GSG1L: variants seen among roughly 807,000 people sequenced by gnomAD.
GSG1L encodes the protein GSG1 like.
In GSG1L, 24 loss-of-function variants were observed where a neutral mutation model predicts 42.1. The ratio of observed to expected loss-of-function variants is 0.57; its 90% CI spans 0.41 to 0.80. GSG1L has a LOEUF of 0.80. Ranked by LOEUF, GSG1L falls within the 30% of genes least tolerant of loss-of-function variation. The pLI is 0.00. For synonymous variants in GSG1L, 215 were observed against 203.5 expected (o/e 1.06, Z -0.48); for missense variants, 445 against 472.2 (o/e 0.94, Z 0.53).
At chr16:28,002,529 G>A (rs1185777875) in intron 1 of GSG1L, among the ~76,000 whole-genome samples, 2 of 152,210 alleles carry the variant, frequency 1.3e-5, no homozygotes, top group African/African-American at 2.4e-5. Context: ...GCTAAGGCAG[G>A]GGGATGGCTT....
intron 2 of GSG1L, among the ~76,000 whole-genome samples, chr16:27,958,060 T>C (rs1052609916): frequency 6.6e-6 from 1 of 152,060 alleles, no homozygotes; most frequent in Non-Finnish European, 1.5e-5. Flanking sequence ...ACCTCCAGCA[T>C]TGAAGGTCAC....
intron 2 of GSG1L, among the ~76,000 whole-genome samples, chr16:27,951,190 C>G (rs1377767257): frequency 6.6e-6 from 1 of 152,156 alleles, no homozygotes; most frequent in Non-Finnish European, 1.5e-5. Context: ...CCAGCCTCTG[C>G]TGTGAGTTGA....
At chr16:27,957,689 T>A (rs374578216) in intron 2 of GSG1L, among the ~76,000 whole-genome samples, 1 of 152,210 alleles carries the variant, frequency 6.6e-6, no homozygotes, top group Non-Finnish European at 1.5e-5. Flanking sequence ...TTTAAACACA[T>A]GTCAATATAC....
chr16:28,024,266 C>T (rs775477601), intron 1 of GSG1L, among the ~76,000 whole-genome samples: 2 of 152,138 alleles, frequency 1.3e-5, no homozygotes, highest in African/African-American at 2.4e-5. Context: ...GCAGAGATTC[C>T]GGGAGGCAAG....
chr16:28,042,295 G>T (rs1013435843), intron 1 of GSG1L, among the ~76,000 whole-genome samples: 1 of 152,046 alleles, frequency 6.6e-6, no homozygotes, highest in African/African-American at 2.4e-5. Flanking sequence ...AATTAGTCGG[G>T]CGTGGTGGTG....
intron 2 of GSG1L, among the ~76,000 whole-genome samples, chr16:27,934,376 T>G (rs2084691237): frequency 6.6e-6 from 1 of 152,010 alleles, no homozygotes; most frequent in East Asian, 1.9e-4. Context: ...AAACCCCATC[T>G]CTACAAAAAT....
intron 1 of GSG1L, among the ~76,000 whole-genome samples, chr16:27,992,602 T>A (rs2085468528): frequency 2.6e-5 from 4 of 152,204 alleles, no homozygotes; most frequent in Admixed American, 2.6e-4. Flanking sequence ...AATTTCTTTT[T>A]CAAAGAAGCC....
At chr16:27,932,751 G>C (rs776650073) in intron 2 of GSG1L, among the ~76,000 whole-genome samples, 1 of 152,128 alleles carries the variant, frequency 6.6e-6, no homozygotes, top group Non-Finnish European at 1.5e-5. Flanking sequence ...CAGTGACATA[G>C]GGGCAGAGGT....
chr16:27,999,295 T>C (rs1370924859), intron 1 of GSG1L, among the ~76,000 whole-genome samples: 2 of 151,918 alleles, frequency 1.3e-5, no homozygotes, highest in Non-Finnish European at 2.9e-5. Flanking sequence ...ATACAAAAAT[T>C]AGTTGTGTGT....
At position 28,063,150 on chromosome 16, in the gene GSG1L, C is replaced by A; in HGVS notation, c.275G>T (p.Gly92Val). Residue 92 changes from glycine to valine, a missense_variant, in exon 1 of 7, where the codon GGC becomes GTC. Gly to Val is a moderately radical substitution (Grantham distance 109). This residue lies in a region of GSG1L where 149 missense variants were observed against 223.3 expected (regional missense o/e 0.67). Coordinates refer to ENST00000447459, the MANE Select transcript of GSG1L (RefSeq NM_001109763.2). The surrounding 1 kb of genome is among the most constrained non-coding windows in gnomAD (Gnocchi z 5.8). Reference sequence around the variant, plus strand: ...ATTCCTGAAGAGGAAGCGGTCGTCGCCGGTCTCCCAGCTGTAGAGCGCGCC... The same window carrying A: ...ATTCCTGAAGAGGAAGCGGTCGTCGACGGTCTCCCAGCTGTAGAGCGCGCC... ...PGGALYSWET[G>V]DDRFLFRNFH... 7.0e-7 allele frequency: 1 copy of A among 1,425,580 alleles called. No individual in the cohort carries two copies. The allele number at this position is 1,425,580 out of a possible 1,614,324, so 88.3% of individuals were successfully genotyped here.
intron 5 of GSG1L, among the ~76,000 whole-genome samples, chr16:27,814,465 C>T (rs1340688970): frequency 6.6e-6 from 1 of 152,126 alleles, no homozygotes; most frequent in African/African-American, 2.4e-5. Flanking sequence ...TCATTCTATG[C>T]TTGTAGCCTC....
At chr16:27,890,942 G>A (rs1048198903) in intron 2 of GSG1L, among the ~76,000 whole-genome samples, 11 of 152,146 alleles carry the variant, frequency 7.2e-5, no homozygotes, top group Non-Finnish European at 1.5e-4. Context: ...AGACACAGCC[G>A]GTGCGGTGCT....
intron 4 of GSG1L, among the ~76,000 whole-genome samples, chr16:27,839,299 C>T (rs1072594): frequency 0.26 from 39,436 of 152,160 alleles, 5,518 homozygotes; most frequent in Admixed American, 0.4. Flanking sequence ...ATGGGCCAAA[C>T]TGCATAACTT....
intron 1 of GSG1L, among the ~76,000 whole-genome samples, chr16:27,993,139 T>C (rs1359441332): frequency 6.6e-6 from 1 of 151,958 alleles, no homozygotes; most frequent in African/African-American, 2.4e-5. Flanking sequence ...AACTCCAGAG[T>C]TTCCACTTGC....
intron 2 of GSG1L, among the ~76,000 whole-genome samples, chr16:27,947,540 GGAAAGAAA>G (rs773407925): frequency 0.02 from 1,984 of 97,080 alleles, 24 homozygotes; most frequent in East Asian, 0.032. Context: ...AAAGAATGAA[GGAAAGAAA>G]GAAAGAAAGA....
chr16:27,924,921 T>A (rs2141066870), intron 2 of GSG1L, among the ~76,000 whole-genome samples: 1 of 152,286 alleles, frequency 6.6e-6, no homozygotes, highest in African/African-American at 2.4e-5. Flanking sequence ...GTAAGAGACC[T>A]TCCCCAGTCT....
At chr16:27,878,718 T>A (rs1017579541) in intron 3 of GSG1L, among the ~76,000 whole-genome samples, 2 of 152,224 alleles carry the variant, frequency 1.3e-5, no homozygotes, top group African/African-American at 2.4e-5. Context: ...GTTACAGGCA[T>A]GAGCCATCAC....
chr16:27,794,070 A>G (rs780480715), intron 6 of GSG1L, among the ~76,000 whole-genome samples: 14 of 152,240 alleles, frequency 9.2e-5, no homozygotes, highest in Admixed American at 2.6e-4. Flanking sequence ...GATGGAGCGC[A>G]GTGGCGCCAT....
At chr16:28,004,936 C>G (rs975810629) in intron 1 of GSG1L, among the ~76,000 whole-genome samples, 2 of 152,152 alleles carry the variant, frequency 1.3e-5, no homozygotes, top group Non-Finnish European at 2.9e-5. Context: ...CCAGCTGCCA[C>G]AACTAATGAC....
Sources: gnomAD v4.1 joint callset for allele counts (sites outside exome capture counted in the v4.1 genomes callset) on GRCh38, gnomAD v4.1.1 for gene constraint, gnomAD v4.1.1 regional missense constraint, Gnocchi (gnomAD v3.1) non-coding constraint, MANE v1.5 for transcripts, NCBI Gene and HGNC (gene_info 2026-07-23, HGNC 2026-07-21) for gene names.